The following SOX6 variants were observed in gnomAD, a reference collection of about 807,000 sequenced individuals.
The protein encoded by SOX6 is transcription factor SOX-6.
Under a neutral mutation model 97.8 loss-of-function variants are expected in SOX6, and 11 were observed. That is an observed-to-expected ratio of 0.11 (90% CI 0.07 to 0.19). SOX6 has a LOEUF of 0.19. Among genes scored for constraint, SOX6 ranks in the 10% least tolerant of loss-of-function variants. The pLI is 1.00. For missense variants in SOX6, 810 were observed against 1,039.5 expected, an observed-to-expected ratio of 0.78 and a Z score of 3.04; for synonymous variants, 360 against 371.4, an observed-to-expected ratio of 0.97 and a Z score of 0.35.
upstream of SOX6, among the ~76,000 whole-genome samples, chr11:16,358,724 C>T (rs1200748804): frequency 6.6e-6 from 1 of 152,022 alleles, no homozygotes; most frequent in Non-Finnish European, 1.5e-5. Flanking sequence ...CATGGTTTGA[C>T]CTGAAAGAGA....
intron 12 of SOX6, among the ~76,000 whole-genome samples, chr11:16,027,952 T>C (rs1405323819): frequency 6.6e-6 from 1 of 152,256 alleles, no homozygotes; most frequent in Non-Finnish European, 1.5e-5. Context: ...ATTGAACTCA[T>C]GTGTAAGACT....
intron 3 of SOX6, among the ~76,000 whole-genome samples, chr11:16,705,022 C>CTG (rs1445638338): frequency 6.6e-6 from 1 of 152,078 alleles, no homozygotes; most frequent in Non-Finnish European, 1.5e-5. Context: ...CTTTGGGAGG[C>CTG]TGAGGCGGGT....
chr11:16,128,321 C>G (rs1449533486), intron 6 of SOX6, among the ~76,000 whole-genome samples: 1 of 152,196 alleles, frequency 6.6e-6, no homozygotes, highest in African/African-American at 2.4e-5. Flanking sequence ...TGTCTCACTA[C>G]AGTAAGTTCT....
At chr11:16,165,816 T>C (rs2134076456) in intron 6 of SOX6, among the ~76,000 whole-genome samples, 1 of 151,796 alleles carries the variant, frequency 6.6e-6, no homozygotes, top group Admixed American at 6.6e-5. Context: ...GAGAATCGCT[T>C]GAACCTGGGA....
chr11:16,124,662 T>A (rs1357800405), intron 6 of SOX6, among the ~76,000 whole-genome samples: 1 of 152,004 alleles, frequency 6.6e-6, no homozygotes, highest in Non-Finnish European at 1.5e-5. Flanking sequence ...GGGGAAAGGC[T>A]AGAAAGACAG....
chr11:16,590,871 A>G (rs1427427138), intron 4 of SOX6, among the ~76,000 whole-genome samples: 1 of 152,164 alleles, frequency 6.6e-6, no homozygotes, highest in East Asian at 1.9e-4. Flanking sequence ...TAGATCTAGT[A>G]TTTGATAGCA....
chr11:16,585,535 C>G (rs1341660812), intron 4 of SOX6, among the ~76,000 whole-genome samples: 2 of 152,022 alleles, frequency 1.3e-5, no homozygotes, highest in Non-Finnish European at 2.9e-5. Context: ...GAGCACTGTA[C>G]AGGTTAGAGA....
At chr11:16,522,484 T>A (rs1438331352) in intron 4 of SOX6, among the ~76,000 whole-genome samples, 1 of 151,878 alleles carries the variant, frequency 6.6e-6, no homozygotes, top group Non-Finnish European at 1.5e-5. Flanking sequence ...AAGGAAGCAC[T>A]AAACATGGAA....
intron 13 of SOX6, among the ~76,000 whole-genome samples, chr11:15,996,294 A>G (rs775855604): frequency 3.3e-5 from 5 of 152,212 alleles, no homozygotes; most frequent in Non-Finnish European, 7.3e-5. Flanking sequence ...AGGATACTCA[A>G]TTAAGGTTTC....
chr11:16,652,663 G>C (rs936500134), intron 3 of SOX6, among the ~76,000 whole-genome samples: 1 of 152,118 alleles, frequency 6.6e-6, no homozygotes, highest in Non-Finnish European at 1.5e-5. Context: ...AAAAATTCTA[G>C]AAGATAACAT....
intron 3 of SOX6, among the ~76,000 whole-genome samples, chr11:16,242,829 G>C (rs943418531): frequency 6.6e-6 from 1 of 151,820 alleles, no homozygotes; most frequent in Non-Finnish European, 1.5e-5. Context: ...ATCCACAAAA[G>C]ATCAATTTAA....
chr11:16,025,730 T>C (rs184147979), intron 12 of SOX6, among the ~76,000 whole-genome samples: 42 of 149,948 alleles, frequency 2.8e-4, no homozygotes, highest in Admixed American at 1.9e-3. Flanking sequence ...AATTTGAAGA[T>C]TTTTTTCCCT....
chr11:16,333,602 A>T (rs1044351886), intron 2 of SOX6, among the ~76,000 whole-genome samples: 14 of 150,806 alleles, frequency 9.3e-5, no homozygotes, highest in Middle Eastern at 3.4e-3. Context: ...GGTTTATTTA[A>T]AAAAAAAAGC....
At chr11:16,020,910 A>AGGCCACATAACTAATCT (rs1161110026) in intron 12 of SOX6, among the ~76,000 whole-genome samples, 1 of 152,170 alleles carries the variant, frequency 6.6e-6, no homozygotes, top group African/African-American at 2.4e-5. Context: ...GGTTTATATA[A>AGGCCACATAACTAATCT]GGCCACATAA....
rs566647581 is a variant in SOX6, at chr11:16,342,507, G to C, written c.-4-1255C>G. Among the ~76,000 whole-genome samples the C allele has an allele frequency of 5.3e-5, 8 of 151,996 alleles. No individual in the cohort carries two copies. In the South Asian group the frequency reaches 1.7e-3, roughly 31 times the overall value. ...AAATTAGCAAATCATTAACTTGCTA[G>C]TACTGTTTCTACAGACAAATAAATA... On this transcript the variant is annotated intron_variant, in intron 1 of 15. Coordinates refer to ENST00000683767, the MANE Select transcript of SOX6 (RefSeq NM_001367873.1).
chr11:16,668,713 A>G (rs1847825792), intron 3 of SOX6, among the ~76,000 whole-genome samples: 1 of 152,364 alleles, frequency 6.6e-6, no homozygotes, highest in Admixed American at 6.5e-5. Flanking sequence ...AAATGGAAAA[A>G]GTCATTCCAT....
At chr11:16,215,467 A>G (rs1264298138) in intron 4 of SOX6, among the ~76,000 whole-genome samples, 3 of 152,208 alleles carry the variant, frequency 2.0e-5, no homozygotes, top group Non-Finnish European at 4.4e-5. Context: ...CCACTATGCT[A>G]ACAATGTAAG....
At position 16,399,947 on chromosome 11, in the gene SOX6, T is replaced by C. The variant is rs1288032310; in HGVS notation, c.-4-58695A>G. 2.0e-5 allele frequency among the ~76,000 whole-genome samples: 3 copies of C among 151,454 alleles called. No individual in the cohort carries two copies. In the Admixed American group the frequency reaches 2.0e-4, roughly 10 times the overall value. ...TTTAGCCAGTGCAAAAATTGGTTGA[T>C]GAGAGTTGCCCACGTGAAGAAAAAA... is the stretch of plus-strand genomic sequence containing the variant. On this transcript the variant is annotated intron_variant, in intron 1 of 15. Transcript: ENST00000396356.
At chr11:16,045,126 A>T (rs925377420) in intron 12 of SOX6, among the ~76,000 whole-genome samples, 2 of 152,174 alleles carry the variant, frequency 1.3e-5, no homozygotes, top group African/African-American at 4.8e-5. Flanking sequence ...AATACTTAAA[A>T]TTAATCTGTA....
Sources: allele counts gnomAD v4.1 joint callset (sites outside exome capture counted in the v4.1 genomes callset), GRCh38; gene constraint gnomAD v4.1.1; transcripts MANE v1.5; gene names NCBI Gene and HGNC (gene_info 2026-07-23, HGNC 2026-07-21).